Variants in ASAP2 observed in about 807,000 individuals in gnomAD.
ASAP2 encodes ArfGAP with SH3 domain, ankyrin repeat and PH domain 2.
ASAP2 carries 45 observed loss-of-function variants against 131.4 expected under a neutral mutation model. The observed-to-expected ratio is 0.34, with a 90% CI of 0.27 to 0.44. ASAP2 has a LOEUF of 0.44. Ranked by LOEUF, ASAP2 falls within the 20% of genes least tolerant of loss-of-function variation. The pLI, the probability that ASAP2 is intolerant of heterozygous loss-of-function variation, is 1.00. For synonymous variants in ASAP2, 510 were observed against 503.0 expected (o/e 1.01, Z -0.19); for missense variants, 1,011 against 1,297.0 (o/e 0.78, Z 3.39).
intron 3 of ASAP2, among the ~76,000 whole-genome samples, chr2:9,301,528 G>A (rs1668471792): frequency 6.6e-6 from 1 of 152,236 alleles, no homozygotes; most frequent in South Asian, 2.1e-4. Context: ...GTGCTGAGAA[G>A]TGGCTTTCTA....
At chr2:9,290,170 G>C (rs936554222) in intron 2 of ASAP2, among the ~76,000 whole-genome samples, 2 of 152,074 alleles carry the variant, frequency 1.3e-5, no homozygotes, top group African/African-American at 4.8e-5. Context: ...GGAAAGCTTT[G>C]GGAGAGAAAG....
intron 22 of ASAP2, 101 bp from the exon 23 acceptor site, chr2:9,390,961 A>G: frequency 6.4e-7 from 1 of 1,571,810 alleles, no homozygotes; most frequent in Middle Eastern, 1.8e-4. Flanking sequence ...ACCGTTTCAT[A>G]AGGGGGAGGA....
At chr2:9,319,735 A>G (rs1232148960) in intron 4 of ASAP2, among the ~76,000 whole-genome samples, 2 of 152,236 alleles carry the variant, frequency 1.3e-5, no homozygotes, top group South Asian at 2.1e-4. Flanking sequence ...GGACCATTCA[A>G]TAGAATTTCC....
chr2:9,317,078 C>T (rs893936405), intron 3 of ASAP2, among the ~76,000 whole-genome samples: 3 of 150,458 alleles, frequency 2.0e-5, no homozygotes, highest in Non-Finnish European at 4.4e-5. Flanking sequence ...CACAAAATCA[C>T]ATCCACACAC....
intron 14 of ASAP2, among the ~76,000 whole-genome samples, chr2:9,358,468 C>T (rs1027864011): frequency 4.6e-5 from 7 of 152,124 alleles, no homozygotes; most frequent in Non-Finnish European, 7.3e-5. Flanking sequence ...TTGAGGAGCC[C>T]TTGGTCACTG....
At position 9,342,888 on chromosome 2, in the gene ASAP2, C is replaced by T. The variant is rs1048990160; in HGVS notation, c.850-1644C>T. Among the ~76,000 whole-genome samples, 9 of 152,332 alleles carry T rather than the reference C, an allele frequency of 5.9e-5. No individual in the cohort carries two copies. In the East Asian group the frequency reaches 1.5e-3, roughly 26 times the overall value. On this transcript the variant is annotated intron_variant, in intron 9 of 27. Coordinates refer to ENST00000281419, the MANE Select transcript of ASAP2 (RefSeq NM_003887.3). Reference sequence around the variant, plus strand: ...GTACTATCCACTTTGCCTTGAAGATCCTACCCTGATTCTGTGCCAGTTCTT... The same window carrying T: ...GTACTATCCACTTTGCCTTGAAGATTCTACCCTGATTCTGTGCCAGTTCTT...
intron 1 of ASAP2, among the ~76,000 whole-genome samples, chr2:9,226,362 GCAGGGAGCGGGGT>G (rs1291360122): frequency 6.6e-6 from 1 of 152,204 alleles, no homozygotes; most frequent in African/African-American, 2.4e-5. Context: ...AATGCCTATT[GCAGGGAGCGGGGT>G]CACCTCCCTG....
intron 7 of ASAP2, among the ~76,000 whole-genome samples, chr2:9,333,086 C>T (rs1339715532): frequency 2.0e-5 from 3 of 152,182 alleles, no homozygotes; most frequent in Non-Finnish European, 2.9e-5. Context: ...CTGTGTGTGA[C>T]GCATTTGGTC....
At chr2:9,256,686 A>C (rs1663950667) in intron 1 of ASAP2, among the ~76,000 whole-genome samples, 1 of 152,220 alleles carries the variant, frequency 6.6e-6, no homozygotes, top group African/African-American at 2.4e-5. Context: ...CTGGCATCCA[A>C]CTGCCAATTT....
intron 3 of ASAP2, among the ~76,000 whole-genome samples, chr2:9,303,985 C>T (rs915146381): frequency 2.0e-5 from 3 of 152,228 alleles, no homozygotes; most frequent in Admixed American, 1.3e-4. Context: ...GCGGTGACCT[C>T]TGGCAACTCC....
intron 15 of ASAP2, among the ~76,000 whole-genome samples, chr2:9,363,136 T>C (rs1189657689): frequency 6.6e-6 from 1 of 152,242 alleles, no homozygotes; most frequent in Non-Finnish European, 1.5e-5. Context: ...ATGTCCTTTT[T>C]TTCAGGTCGA....
At chr2:9,288,710 C>T (rs1257964863) in intron 2 of ASAP2, among the ~76,000 whole-genome samples, 3 of 152,106 alleles carry the variant, frequency 2.0e-5, no homozygotes, top group African/African-American at 4.8e-5. Context: ...TTGAATTCAC[C>T]TCTTGGCTTT....
At chr2:9,225,128 G>T (rs974490740) in intron 1 of ASAP2, among the ~76,000 whole-genome samples, 2 of 152,192 alleles carry the variant, frequency 1.3e-5, no homozygotes, top group Non-Finnish European at 2.9e-5. Flanking sequence ...GGTTTTTAGG[G>T]GTTGTAAACA....
chr2:9,290,417 C>T (rs1025184917), intron 2 of ASAP2, among the ~76,000 whole-genome samples: 1 of 152,000 alleles, frequency 6.6e-6, no homozygotes, highest in African/African-American at 2.4e-5. Flanking sequence ...GCCCTGTTGG[C>T]CAGGCTGGTC....
chr2:9,334,858 A>G (rs1219000691), intron 8 of ASAP2, 45 bp downstream of exon 8: 4 of 1,559,064 alleles, frequency 2.6e-6, no homozygotes, highest in African/African-American at 2.7e-5. Context: ...ATCTTAATGC[A>G]ACAGACATTT....
intron 6 of ASAP2, among the ~76,000 whole-genome samples, chr2:9,326,603 T>G (rs1407294931): frequency 6.6e-6 from 1 of 152,218 alleles, no homozygotes; most frequent in Non-Finnish European, 1.5e-5. Context: ...ATAACCACTT[T>G]GACATTTAAG....
chr2:9,294,798 T>G (rs1668052241), intron 2 of ASAP2, among the ~76,000 whole-genome samples: 2 of 152,134 alleles, frequency 1.3e-5, no homozygotes, highest in Non-Finnish European at 2.9e-5. Context: ...CCCAGCACCG[T>G]GAAGGAGGAC....
At chr2:9,348,116 C>T (rs7586595) in intron 11 of ASAP2, among the ~76,000 whole-genome samples, 141,190 of 151,844 alleles carry the variant, frequency 0.93, 66,410 homozygotes, top group Non-Finnish European at 1. Flanking sequence ...ACTTTTTTGT[C>T]TGTTTGTTTG....
chr2:9,318,417 A>G, intron 3 of ASAP2, 107 bp from the exon 4 acceptor site: 1 of 788,048 alleles, frequency 1.3e-6, no homozygotes, highest in Middle Eastern at 2.2e-4. Flanking sequence ...GCCAGGTTTT[A>G]GGTGGAGGTG....
Sources: gnomAD v4.1 joint callset for allele counts (sites outside exome capture counted in the v4.1 genomes callset) on GRCh38, gnomAD v4.1.1 for gene constraint, MANE v1.5 for transcripts, NCBI Gene and HGNC (gene_info 2026-07-23, HGNC 2026-07-21) for gene names.